Variants in MIS18A observed in about 807,000 individuals in gnomAD.
MIS18A encodes the protein protein Mis18-alpha.
MIS18A carries 14 observed loss-of-function variants against 25.0 expected under a neutral mutation model. The ratio of observed to expected loss-of-function variants is 0.56; its 90% confidence interval spans 0.37 to 0.88. The LOEUF (loss-of-function observed/expected upper bound fraction) is 0.88. MIS18A is among the 40% of genes least tolerant of loss of function. The probability of loss-of-function intolerance (pLI) is 0.00; values close to 1 mark genes in which losing one functional copy is unlikely to be tolerated. For missense variants in MIS18A, 292 were observed against 290.8 expected, an observed-to-expected ratio of 1.00 and a Z score of -0.03; for synonymous variants, 134 against 118.6, an observed-to-expected ratio of 1.13 and a Z score of -0.84.
the MIS18A span, among the ~76,000 whole-genome samples, chr21:32,175,640 T>A: frequency 1.2e-5 from 1 of 83,564 alleles, no homozygotes. Flanking sequence ...AAACCCGGTC[T>A]CTACTGAAAA....
the MIS18A span, among the ~76,000 whole-genome samples, chr21:32,202,263 G>C: frequency 6.6e-6 from 1 of 151,838 alleles, no homozygotes; most frequent in African/African-American, 2.4e-5. Flanking sequence ...ACTCCAACCT[G>C]GGTGACAGAC....
At chr21:32,255,103 A>G in the MIS18A span, among the ~76,000 whole-genome samples, 41 of 152,346 alleles carry the variant, frequency 2.7e-4, no homozygotes, top group African/African-American at 8.9e-4. Flanking sequence ...ATCATGTGGA[A>G]GGATATACCC....
rs80027634 is a variant in MIS18A at position 32,269,073 on chromosome 21, G to A, written c.666C>T (p.Ala222=). Residue 222 remains alanine, a synonymous_variant, in exon 5 of 5, where the codon GCC becomes GCT. Transcript: ENST00000290130. ...AAGTGGCAAAGGACAATTTGGATTC[G>A]GCCTCCCACAGCTTCATTTGTAATG... ...LKALQMKLWE[A]ESKLSFATCK... The A allele has an allele frequency of 1.5e-5, 24 of 1,604,096 alleles. No individual in the cohort carries two copies. Among genetic ancestry groups the A allele is most frequent in the East Asian group, 1.1e-4 (5 of 44,788 alleles).
At chr21:32,241,911 C>G in the MIS18A span, among the ~76,000 whole-genome samples, 4 of 152,174 alleles carry the variant, frequency 2.6e-5, no homozygotes, top group African/African-American at 9.6e-5. Flanking sequence ...ACGGAGTTCG[C>G]TCTGTCGCCC....
the MIS18A span, among the ~76,000 whole-genome samples, chr21:32,241,970 C>G: frequency 6.6e-6 from 1 of 152,220 alleles, no homozygotes; most frequent in Non-Finnish European, 1.5e-5. Context: ...GCTCCGCCTC[C>G]CGGGTTCACG....
At chr21:32,212,954 G>A in the MIS18A span, among the ~76,000 whole-genome samples, 4,632 of 152,196 alleles carry the variant, frequency 0.03, 238 homozygotes, top group African/African-American at 0.099. Flanking sequence ...ACCCAGTCTC[G>A]GGTATATCTT....
the MIS18A span, among the ~76,000 whole-genome samples, chr21:32,184,872 C>T: frequency 6.6e-6 from 1 of 152,094 alleles, no homozygotes; most frequent in African/African-American, 2.4e-5. Flanking sequence ...GTGATTCTGC[C>T]TCCTCTGTGG....
At chr21:32,241,389 C>T in the MIS18A span, among the ~76,000 whole-genome samples, 1 of 145,670 alleles carries the variant, frequency 6.9e-6, no homozygotes. Flanking sequence ...AAAAAAAACT[C>T]AAGAAAGCAA....
At chr21:32,249,942 C>T in the MIS18A span, among the ~76,000 whole-genome samples, 2 of 152,196 alleles carry the variant, frequency 1.3e-5, no homozygotes, top group African/African-American at 4.8e-5. Context: ...GGAAGCCTCT[C>T]AACCACTCTG....
the MIS18A span, among the ~76,000 whole-genome samples, chr21:32,222,934 C>CAA: frequency 1.8e-4 from 12 of 65,878 alleles, no homozygotes; most frequent in Non-Finnish European, 2.7e-4. Flanking sequence ...GACTCCGTCT[C>CAA]AAAAAAAAAA....
chr21:32,214,404 G>A, the MIS18A span, among the ~76,000 whole-genome samples: 1 of 152,130 alleles, frequency 6.6e-6, no homozygotes, highest in African/African-American at 2.4e-5. Context: ...GGATGCAGAC[G>A]GGTTGCAAGG....
the MIS18A span, among the ~76,000 whole-genome samples, chr21:32,157,206 G>A: frequency 1.2e-4 from 17 of 143,878 alleles, no homozygotes; most frequent in Admixed American, 2.1e-4. Flanking sequence ...CCAGGCACCC[G>A]CCACCGTACC....
chr21:32,277,296 AC>A (rs1415843773), intron 1 of MIS18A, among the ~76,000 whole-genome samples: 4 of 152,236 alleles, frequency 2.6e-5, no homozygotes, highest in African/African-American at 9.6e-5. Context: ...GTAACGCAAA[AC>A]AACGAAAAGA....
At chr21:32,171,930 T>G in the MIS18A span, among the ~76,000 whole-genome samples, 1 of 151,982 alleles carries the variant, frequency 6.6e-6, no homozygotes, top group African/African-American at 2.4e-5. Context: ...CCTATATTGG[T>G]CTATGGAACT....
chr21:32,196,459 CT>C, the MIS18A span, among the ~76,000 whole-genome samples: 14,906 of 130,858 alleles, frequency 0.11, 717 homozygotes, highest in South Asian at 0.17. Context: ...GAGCTAATGT[CT>C]TTTTTTTTTT....
chr21:32,176,223 G>A, the MIS18A span, among the ~76,000 whole-genome samples: 1 of 151,952 alleles, frequency 6.6e-6, no homozygotes, highest in Admixed American at 6.5e-5. Flanking sequence ...TATCATTATC[G>A]AGTATTATGT....
chr21:32,170,677 G>C, the MIS18A span, among the ~76,000 whole-genome samples: 2 of 151,938 alleles, frequency 1.3e-5, no homozygotes, highest in African/African-American at 4.8e-5. Flanking sequence ...CATAATGTGA[G>C]TCCCAAAAGG....
the MIS18A span, among the ~76,000 whole-genome samples, chr21:32,205,462 T>C: frequency 6.6e-6 from 1 of 152,072 alleles, no homozygotes; most frequent in African/African-American, 2.4e-5. Context: ...ATAGAGCACC[T>C]GCAATGAAAA....
At chr21:32,270,822 C>T (rs1013875929) in intron 2 of MIS18A, among the ~76,000 whole-genome samples, 3 of 152,166 alleles carry the variant, frequency 2.0e-5, no homozygotes, top group African/African-American at 7.2e-5. Flanking sequence ...ACTAATGTAA[C>T]AAAGTGGAGA....
Sources: allele counts gnomAD v4.1 joint callset (sites outside exome capture counted in the v4.1 genomes callset), GRCh38; gene constraint gnomAD v4.1.1; transcripts MANE v1.5; gene names NCBI Gene and HGNC (gene_info 2026-07-23, HGNC 2026-07-21).